RFX3: variants seen among roughly 807,000 people sequenced by gnomAD.
RFX3 encodes the protein transcription factor RFX3.
RFX3 carries 14 observed loss-of-function variants against 98.6 expected under a neutral mutation model. That is an observed-to-expected ratio of 0.14 (90% CI 0.09 to 0.22). The LOEUF is 0.22. RFX3 is among the 10% of genes least tolerant of loss of function. RFX3 has a pLI of 1.00. For synonymous variants in RFX3, 383 were observed against 328.4 expected, an observed-to-expected ratio of 1.17 and a Z score of -1.80; for missense variants, 639 against 926.9, an observed-to-expected ratio of 0.69 and a Z score of 4.03.
In RFX3 at chr9:3,310,872, G is replaced by A. The variant is rs1005879985; in HGVS notation, c.475-9252C>T. On this transcript the variant is annotated intron_variant, in intron 4 of 16. Transcript: ENST00000617270. ...TGTTGTAATGAAGTTATCTTCTGAG[G>A]AGTGAGTGGCTTATAAAATCAAAAT... 2.6e-5 allele frequency among the ~76,000 whole-genome samples: 4 copies of A among 152,244 alleles called. No homozygotes were observed. In the East Asian group the frequency reaches 7.7e-4, roughly 29 times the overall value.
At chr9:3,366,319 G>GT (rs542893320) in intron 2 of RFX3, among the ~76,000 whole-genome samples, 2 of 152,008 alleles carry the variant, frequency 1.3e-5, no homozygotes, top group Non-Finnish European at 2.9e-5. Flanking sequence ...CTTCTTGTTT[G>GT]TTTTTTTGCA....
chr9:3,505,364 A>ATATAAAATAAAATACTTTATATTT (rs1564187334), intron 1 of RFX3, among the ~76,000 whole-genome samples: 1 of 113,198 alleles, frequency 8.8e-6, no homozygotes, highest in African/African-American at 3.8e-5. Flanking sequence ...TATTTATATA[A>ATATAAAATAAAATACTTTATATTT]ATATAAAATA....
At chr9:3,307,583 G>C (rs1829475208) in intron 4 of RFX3, among the ~76,000 whole-genome samples, 1 of 152,090 alleles carries the variant, frequency 6.6e-6, no homozygotes, top group Non-Finnish European at 1.5e-5. Flanking sequence ...GAGAAGGCTT[G>C]GTAGTGCTGT....
intron 1 of RFX3, among the ~76,000 whole-genome samples, chr9:3,465,693 G>A (rs544234173): frequency 5.9e-5 from 9 of 151,770 alleles, no homozygotes; most frequent in African/African-American, 2.2e-4. Flanking sequence ...TATTATACAG[G>A]AGTTTACAGT....
chr9:3,354,626 T>C (rs918137248), intron 2 of RFX3, among the ~76,000 whole-genome samples: 2 of 151,764 alleles, frequency 1.3e-5, no homozygotes, highest in Non-Finnish European at 2.9e-5. Flanking sequence ...GAAATAGCCT[T>C]CAAAAATGAA....
At chr9:3,333,914 A>G (rs917140671) in intron 3 of RFX3, among the ~76,000 whole-genome samples, 1 of 152,142 alleles carries the variant, frequency 6.6e-6, no homozygotes, top group Non-Finnish European at 1.5e-5. Flanking sequence ...CTTTTTAGGC[A>G]TTAGCTCATT....
chr9:3,435,866 A>G (rs995593868), intron 1 of RFX3, among the ~76,000 whole-genome samples: 6 of 151,144 alleles, frequency 4.0e-5, no homozygotes, highest in African/African-American at 1.5e-4. Flanking sequence ...CACAGCAGCC[A>G]AATTTGTACT....
chr9:3,311,207 ATT>A (rs965945997), intron 4 of RFX3, among the ~76,000 whole-genome samples: 22 of 152,326 alleles, frequency 1.4e-4, no homozygotes, highest in African/African-American at 5.1e-4. Flanking sequence ...AAAACCAGGA[ATT>A]TCTTTCTGGG....
At chr9:3,478,852 T>C (rs1028848635) in intron 1 of RFX3, among the ~76,000 whole-genome samples, 5 of 152,208 alleles carry the variant, frequency 3.3e-5, no homozygotes, top group Admixed American at 3.3e-4. Flanking sequence ...CCTTAGGCAA[T>C]TGACATTTTG....
At chr9:3,265,472 T>C (rs1409715830) in intron 12 of RFX3, among the ~76,000 whole-genome samples, 2 of 152,178 alleles carry the variant, frequency 1.3e-5, no homozygotes, top group Non-Finnish European at 2.9e-5. Flanking sequence ...GCAAAGTATA[T>C]TGCTGGAGTC....
chr9:3,263,891 C>T (rs771574925), intron 12 of RFX3, among the ~76,000 whole-genome samples: 4 of 152,160 alleles, frequency 2.6e-5, no homozygotes, highest in Non-Finnish European at 4.4e-5. Flanking sequence ...TTATTCACTG[C>T]AACCTCTGCT....
intron 1 of RFX3, among the ~76,000 whole-genome samples, chr9:3,516,379 T>C (rs1367865400): frequency 2.0e-5 from 3 of 152,124 alleles, no homozygotes; most frequent in South Asian, 2.1e-4. Context: ...TTTAAGAAAA[T>C]GTATACTTCT....
intron 15 of RFX3, among the ~76,000 whole-genome samples, chr9:3,233,196 G>A (rs1818709923): frequency 6.6e-6 from 1 of 152,192 alleles, no homozygotes; most frequent in East Asian, 1.9e-4. Flanking sequence ...ATTCGTGTAA[G>A]ACTAGCAATG....
intron 1 of RFX3, among the ~76,000 whole-genome samples, chr9:3,429,045 C>A (rs1050654638): frequency 4.2e-5 from 6 of 141,586 alleles, no homozygotes; most frequent in Non-Finnish European, 7.5e-5. Context: ...TTTTTTGAGA[C>A]GGAGTCTCGC....
intron 2 of RFX3, among the ~76,000 whole-genome samples, chr9:3,355,410 T>C (rs1056609926): frequency 9.9e-5 from 15 of 151,886 alleles, no homozygotes; most frequent in African/African-American, 3.6e-4. Flanking sequence ...GGACTGGCTA[T>C]ATTAATATCA....
At chr9:3,519,283 T>C in intron 1 of RFX3, among the ~76,000 whole-genome samples, 1 of 152,172 alleles carries the variant, frequency 6.6e-6, no homozygotes, top group East Asian at 1.9e-4. Flanking sequence ...ATAAGACTGG[T>C]TATCAAATGA....
intron 5 of RFX3, among the ~76,000 whole-genome samples, chr9:3,296,665 G>A (rs970570587): frequency 1.3e-5 from 2 of 152,042 alleles, no homozygotes; most frequent in African/African-American, 2.4e-5. Flanking sequence ...TTCCCTACCC[G>A]TTGTATGCAG....
intron 1 of RFX3, among the ~76,000 whole-genome samples, chr9:3,523,799 T>G (rs1818952822): frequency 1.3e-5 from 2 of 152,114 alleles, no homozygotes; most frequent in South Asian, 4.1e-4. Context: ...TATTAGAGAT[T>G]TGCATGGAAC....
At chr9:3,479,701 G>A (rs1435777871) in intron 1 of RFX3, among the ~76,000 whole-genome samples, 1 of 152,182 alleles carries the variant, frequency 6.6e-6, no homozygotes, top group Non-Finnish European at 1.5e-5. Context: ...AGTCCATCTT[G>A]TCTTACTTGG....
Sources: gnomAD v4.1 joint callset for allele counts (sites outside exome capture counted in the v4.1 genomes callset) on GRCh38, gnomAD v4.1.1 for gene constraint, MANE v1.5 for transcripts, NCBI Gene and HGNC (gene_info 2026-07-23, HGNC 2026-07-21) for gene names.